Variants in EXOC3L4 observed in about 807,000 individuals in gnomAD.
EXOC3L4 encodes the protein exocyst complex component 3-like protein 4.
Under a neutral mutation model 69.7 loss-of-function variants are expected in EXOC3L4, and 62 were observed. The ratio of observed to expected loss-of-function variants is 0.89; its 90% CI spans 0.72 to 1.10. The LOEUF (loss-of-function observed/expected upper bound fraction) is 1.10. Among genes scored for constraint, EXOC3L4 ranks in the 50% least tolerant of loss-of-function variants. The pLI is 0.00. For synonymous variants in EXOC3L4, 502 were observed against 464.2 expected (o/e 1.08, Z -1.05); for missense variants, 1,087 against 1,034.8 (o/e 1.05, Z -0.69).
At position 103,110,252 on chromosome 14, in the gene EXOC3L4, G is replaced by A. The variant is rs1017458447; in HGVS notation, c.*29G>A. On this transcript the variant is annotated 3_prime_UTR_variant, in exon 12 of 12. Transcript: ENST00000688303. Reference sequence around the variant, plus strand: ...TCTCTGGCTCGAGGGGGGGCCGGCCGCTGGCAGGGAGCTGTGGTCAGTGGG... The same window carrying A: ...TCTCTGGCTCGAGGGGGGGCCGGCCACTGGCAGGGAGCTGTGGTCAGTGGG... 22 of 1,494,710 alleles carry A rather than the reference G, an allele frequency of 1.5e-5. No individual in the cohort carries two copies. Among genetic ancestry groups the A allele is most frequent in the Admixed American group, 2.2e-5 (1 of 44,970 alleles). 92.6% of individuals were successfully genotyped at this position (1,494,710 alleles called of 1,614,324 possible). A position where few individuals can be genotyped will look rare whatever the true frequency, so the allele number is the denominator to read the frequency against.
intron 3 of EXOC3L4, 144 bp from the exon 4 acceptor site, chr14:103,103,797 C>CGTGGGTGTGTGT: frequency 2.3e-6 from 1 of 432,430 alleles, no homozygotes; most frequent in Admixed American, 4.5e-5. Context: ...GGCGCGCGCG[C>CGTGGGTGTGTGT]GTGTGTGTGT....
intron 5 of EXOC3L4, 79 bp from the exon 6 acceptor site, chr14:103,104,659 C>A: frequency 1.3e-6 from 1 of 772,666 alleles, no homozygotes; most frequent in Admixed American, 4.6e-5. Flanking sequence ...GGGCTGGAGG[C>A]GCAGCGGGGG....
At position 103,097,674 on chromosome 14, in the gene EXOC3L4, C is replaced by T. The variant is rs1032961753; in HGVS notation, c.-16-2530C>T. ...GGCCACATCATCACAGGGACAGTGC[C>T]GAGTACCCACTGAGCAGATAGATGG... On this transcript the variant is annotated intron_variant, in intron 1 of 11. Coordinates refer to ENST00000688303, the MANE Select transcript of EXOC3L4 (RefSeq NM_001077594.2). The surrounding 1 kb of genome is among the most constrained non-coding windows in gnomAD (Gnocchi z 4.9). Among the ~76,000 whole-genome samples the T allele has an allele frequency of 2.0e-5, 3 of 152,152 alleles. No homozygotes were observed. The highest frequency in any genetic ancestry group is 4.4e-5 in the Non-Finnish European group (3 of 68,018).
intron 5 of EXOC3L4, 68 bp from the exon 6 acceptor site, chr14:103,104,670 C>T: frequency 7.4e-7 from 1 of 1,352,556 alleles, no homozygotes; most frequent in South Asian, 1.5e-5. Context: ...GCAGCGGGGG[C>T]TACCAGGGGA....
chr14:103,107,314 A>G (rs1318111395), intron 8 of EXOC3L4, 110 bp from the exon 9 acceptor site: 1 of 1,499,204 alleles, frequency 6.7e-7, no homozygotes. Flanking sequence ...AGGGAATGGC[A>G]CCCCAAACCC....
rs744153 is a variant in EXOC3L4, at chr14:103,110,107, C to A, written c.2053C>A (p.Gln685Lys). 3.2e-6 allele frequency: 5 copies of A among 1,586,730 alleles called. No homozygotes were observed. The East Asian group carries it at 6.8e-5, about 22-fold the overall frequency. ...QRNQHLLQHT[Q>K]DLLRAAAGAA... is the part of the protein sequence containing the mutation. Reference sequence around the variant, plus strand: ...GAACCAGCATCTCTTGCAGCACACTCAAGACCTGCTGAGAGCTGCGGCCGG... The same window carrying A: ...GAACCAGCATCTCTTGCAGCACACTAAAGACCTGCTGAGAGCTGCGGCCGG... Residue 685 changes from glutamine (Q) to lysine (K), a missense_variant, in exon 12 of 12, where the codon CAA becomes AAA. By Grantham distance (53) the Gln-to-Lys change is moderately conservative. Coordinates refer to ENST00000688303, the MANE Select transcript of EXOC3L4 (RefSeq NM_001077594.2).
rs771756330 is a variant in EXOC3L4 at position 103,104,262 on chromosome 14, C to G, written c.1162-5C>G. 169 of 1,582,990 alleles carry G rather than the reference C, an allele frequency of 1.1e-4. No individual in the cohort carries two copies. The Admixed American group carries it at 2.7e-3, about 25-fold the overall frequency. On this transcript the variant is annotated splice_polypyrimidine_tract_variant and splice_region_variant and intron_variant, in intron 4 of 11. Transcript: ENST00000688303. ...CTCACCACGGCCCATCCCTTCTCCC[C>G]CCAGGCCAAGATCGCAAGCTGCTTC... is the stretch of plus-strand genomic sequence containing the variant.
At chr14:103,104,139 A>G in intron 4 of EXOC3L4, 87 bp downstream of exon 4, 1 of 1,447,400 alleles carries the variant, frequency 6.9e-7, no homozygotes, top group Non-Finnish European at 9.1e-7. Context: ...ATCGGCGGCC[A>G]GAGCTGGCTC....
At position 103,100,186 on chromosome 14, in the gene EXOC3L4, A is replaced by C. The variant is rs554540760; in HGVS notation, c.-16-18A>C. On this transcript the variant is annotated intron_variant, in intron 1 of 11. Transcript: ENST00000688303. Reference sequence around the variant, plus strand: ...GGTTTCTGCATCTGCTCCTATGGCCACTCCTTCTTGCCCCCAGCTCTCCTG... The same window carrying C: ...GGTTTCTGCATCTGCTCCTATGGCCCCTCCTTCTTGCCCCCAGCTCTCCTG... The C allele has an allele frequency of 6.5e-7, 1 of 1,533,730 alleles. No individual in the cohort carries two copies. The highest frequency in any genetic ancestry group is 1.3e-5 in the South Asian group (1 of 79,562).
chr14:103,094,415 C>T (rs562534763), upstream of EXOC3L4, among the ~76,000 whole-genome samples: 3 of 152,242 alleles, frequency 2.0e-5, no homozygotes, highest in South Asian at 4.1e-4. Context: ...CCGAGGCCAG[C>T]GCCTGCTTCC....
In EXOC3L4 at chr14:103,100,325, A is replaced by C; in HGVS notation, c.106A>C (p.Lys36Gln). ...GGGCTCCCGGCGAACAAGCAGCAGG[A>C]AAGAGCCCAATGCCCACCGCAAGGA... ...AQGSRRTSSRKEPNAHRKDGT... is the reference protein window; with the variant it reads ...AQGSRRTSSRQEPNAHRKDGT... Residue 36 changes from lysine (K) to glutamine (Q), a missense_variant, in exon 2 of 12, where the codon AAA (lysine) becomes CAA (glutamine). Transcript: ENST00000688303. 1 of 1,592,916 alleles carries C rather than the reference A, an allele frequency of 6.3e-7. No individual in the cohort carries two copies. Among genetic ancestry groups the C allele is most frequent in the Non-Finnish European group, 8.6e-7 (1 of 1,168,994 alleles).
At chr14:103,105,312 G>T (rs1337424275) in intron 7 of EXOC3L4, among the ~76,000 whole-genome samples, 1 of 151,566 alleles carries the variant, frequency 6.6e-6, no homozygotes, top group African/African-American at 2.4e-5. Flanking sequence ...GTGTGCATGC[G>T]TGGAGAGCTG....
At chr14:103,103,136 G>C (rs1434335483) in intron 3 of EXOC3L4, among the ~76,000 whole-genome samples, 1 of 152,136 alleles carries the variant, frequency 6.6e-6, no homozygotes, top group Non-Finnish European at 1.5e-5. Flanking sequence ...AGGCTGAGGC[G>C]GCCGATCACC....
At position 103,102,692 on chromosome 14, in the gene EXOC3L4, C is replaced by T. The variant is rs1253990920; in HGVS notation, c.969C>T (p.Arg323=). The T allele has an allele frequency of 6.8e-7, 1 of 1,474,434 alleles. No homozygotes were observed. The highest frequency in any genetic ancestry group is 1.5e-5 in the African/African-American group (1 of 68,268). The allele number at this position is 1,474,434 out of a possible 1,614,324, so 91.3% of individuals were successfully genotyped here. A position where few individuals can be genotyped will look rare whatever the true frequency, so the allele number is the denominator to read the frequency against. ...CCTTCCACAGCGCCGTGGCCCAGCG[C>T]CTCCAGGAGCTCGCGCGCGACGCCC... is the stretch of plus-strand genomic sequence containing the variant. ...LRAFHSAVAQ[R]LQELARDARG... The change falls in exon 3 of 12, where the codon CGC becomes CGT. Residue 323 remains arginine, a synonymous_variant. Transcript: ENST00000688303.
chr14:103,095,032 A>G (rs1287263257), intron 1 of EXOC3L4, among the ~76,000 whole-genome samples, 192 bp downstream of exon 1: 1 of 152,250 alleles, frequency 6.6e-6, no homozygotes, highest in Non-Finnish European at 1.5e-5. Flanking sequence ...TCAGGTAGAA[A>G]GCACAGATAG....
rs1412707112 is a variant in EXOC3L4 at position 103,102,164 on chromosome 14, G to A, written c.441G>A (p.Ala147=). 4 of 1,604,866 alleles carry A rather than the reference G, an allele frequency of 2.5e-6. No homozygotes were observed. The African/African-American group carries it at 5.4e-5, about 21-fold the overall frequency. ...TCATTACTGAACGGCAACTGCTGGC[G>A]GCCTTCGAACAGCTTCTGCGCCTGG... ...ADLITERQLL[A]AFEQLLRLET... Residue 147 remains alanine, a synonymous_variant, in exon 3 of 12, where the codon GCG becomes GCA. Coordinates refer to ENST00000688303, the MANE Select transcript of EXOC3L4 (RefSeq NM_001077594.2).
intron 7 of EXOC3L4, among the ~76,000 whole-genome samples, chr14:103,105,466 T>G (rs1890493393): frequency 6.6e-6 from 1 of 151,400 alleles, no homozygotes; most frequent in Admixed American, 6.6e-5. Context: ...TGCGTGTGTC[T>G]TGTGTGTGTG....
chr14:103,096,675 C>T (rs1029556595), intron 1 of EXOC3L4, among the ~76,000 whole-genome samples: 4 of 152,228 alleles, frequency 2.6e-5, no homozygotes, highest in Admixed American at 2.6e-4. Flanking sequence ...GATGCAGTCA[C>T]CTTCCCAGCT....
At chr14:103,096,401 C>CTTTTTTTTTTTTTTTTTTTTT (rs56362121) in intron 1 of EXOC3L4, among the ~76,000 whole-genome samples, 1 of 131,912 alleles carries the variant, frequency 7.6e-6, no homozygotes. Flanking sequence ...TGGCAAGATT[C>CTTTTTTTTTTTTTTTTTTTTT]TTTTTTTTTT....
Sources: gnomAD v4.1 joint callset for allele counts (sites outside exome capture counted in the v4.1 genomes callset) on GRCh38, gnomAD v4.1.1 for gene constraint, Gnocchi (gnomAD v3.1) non-coding constraint, MANE v1.5 for transcripts, NCBI Gene and HGNC (gene_info 2026-07-23, HGNC 2026-07-21) for gene names.